The following TMEM132E variants were observed in gnomAD, a reference collection of about 807,000 sequenced individuals.
The protein encoded by TMEM132E is transmembrane protein 132E.
TMEM132E carries 49 observed loss-of-function variants against 78.5 expected under a neutral mutation model. The ratio of observed to expected loss-of-function variants is 0.62; its 90% CI spans 0.50 to 0.79. The LOEUF (loss-of-function observed/expected upper bound fraction) is 0.79. Ranked by LOEUF, TMEM132E falls within the 30% of genes least tolerant of loss-of-function variation. The probability of loss-of-function intolerance (pLI) is 0.00; values close to 1 mark genes in which losing one functional copy is unlikely to be tolerated. For synonymous variants in TMEM132E, 715 were observed against 670.6 expected, an observed-to-expected ratio of 1.07 and a Z score of -1.02; for missense variants, 1,403 against 1,470.9, an observed-to-expected ratio of 0.95 and a Z score of 0.75.
At chr17:34,589,089 A>G (rs1345901349) in intron 1 of TMEM132E, among the ~76,000 whole-genome samples, 1 of 152,130 alleles carries the variant, frequency 6.6e-6, no homozygotes, top group Admixed American at 6.5e-5. Flanking sequence ...GGGAAATCTG[A>G]GGTGGGTGTG....
intron 1 of TMEM132E, among the ~76,000 whole-genome samples, chr17:34,603,685 C>A (rs1373026054): frequency 6.6e-6 from 1 of 152,136 alleles, no homozygotes; most frequent in Admixed American, 6.5e-5. Flanking sequence ...AGCTCTTCCC[C>A]CTGGGTGTTC....
At chr17:34,617,511 A>G (rs1821592168) in intron 1 of TMEM132E, among the ~76,000 whole-genome samples, 1 of 152,240 alleles carries the variant, frequency 6.6e-6, no homozygotes, top group Non-Finnish European at 1.5e-5. Context: ...GAATGAATGA[A>G]TGAATGAATG....
intron 5 of TMEM132E, among the ~76,000 whole-genome samples, chr17:34,632,455 G>C (rs1188337693): frequency 6.6e-6 from 1 of 152,230 alleles, no homozygotes; most frequent in African/African-American, 2.4e-5. Context: ...AAAAGCATTT[G>C]CATGTTGGCT....
Position 34,626,218 on chromosome 17 carries a change from G to T in TMEM132E, c.159G>T (p.Arg53=). 6.3e-7 allele frequency: 1 copy of T among 1,581,992 alleles called. No individual in the cohort carries two copies. Among genetic ancestry groups the T allele is most frequent in the Non-Finnish European group, 8.6e-7 (1 of 1,164,654 alleles). The change falls in exon 2 of 9, where the codon CGG becomes CGT. Residue 53 remains arginine, a synonymous_variant. Transcript: ENST00000631683. Reference sequence around the variant, plus strand: ...TCAGCTACCGCCTGTCGCACACGCGGCTGGCCTTCTTCCTGCGGGAGGCGC... The same window carrying T: ...TCAGCTACCGCCTGTCGCACACGCGTCTGGCCTTCTTCCTGCGGGAGGCGC... The part of the protein sequence containing the change: ...LPVSYRLSHT[R]LAFFLREARP...
intron 1 of TMEM132E, among the ~76,000 whole-genome samples, chr17:34,621,816 CTGTGTGTGTG>C (rs34320048): frequency 4.7e-5 from 7 of 149,384 alleles, no homozygotes; most frequent in Non-Finnish European, 9.0e-5. Flanking sequence ...AGGTGCCAGC[CTGTGTGTGTG>C]TGTGTGTGTG....
intron 1 of TMEM132E, 140 bp downstream of exon 1, chr17:34,581,283 C>T (rs1414218066): frequency 1.2e-6 from 1 of 803,696 alleles, no homozygotes; most frequent in African/African-American, 1.8e-5. Flanking sequence ...GGCTGCAGCT[C>T]GAGTTACCGC....
chr17:34,634,724 C>A (rs1907455000), intron 6 of TMEM132E, 75 bp from the exon 7 acceptor site: 1 of 1,482,106 alleles, frequency 6.7e-7, no homozygotes, highest in Non-Finnish European at 9.0e-7. Context: ...CCCAACAGGG[C>A]AAGGGTGCGG....
intron 1 of TMEM132E, among the ~76,000 whole-genome samples, chr17:34,595,421 C>G (rs1906022424): frequency 6.6e-6 from 1 of 152,184 alleles, no homozygotes; most frequent in Admixed American, 6.5e-5. Context: ...TTATTGGTAC[C>G]AGCCAATGGG....
rs1183636597 is a variant in TMEM132E, at chr17:34,626,472, C to T, written c.413C>T (p.Ser138Leu). The change falls in exon 2 of 9, where the codon TCG (serine) becomes TTG (leucine). Residue 138 changes from serine to leucine, a missense_variant. Ser to Leu is a moderately radical substitution (Grantham distance 145). This residue lies in a region of TMEM132E where 511 missense variants were observed against 499.0 expected (regional missense o/e 1.02). Transcript: ENST00000631683. ...AFIVRSHVPA[S>L]QPVVQVLFYV... ...ATCGTCCGCTCGCACGTGCCCGCCT[C>T]GCAGCCCGTGGTCCAGGTGCTGTTC... is the stretch of plus-strand genomic sequence containing the variant. 1.9e-6 allele frequency: 3 copies of T among 1,612,858 alleles called. No homozygotes were observed. The highest frequency in any genetic ancestry group is 1.1e-5 in the South Asian group (1 of 91,028).
intron 2 of TMEM132E, 86 bp downstream of exon 2, chr17:34,627,143 G>T (rs1442826717): frequency 7.3e-7 from 1 of 1,367,034 alleles, no homozygotes; most frequent in African/African-American, 1.4e-5. Flanking sequence ...GGGGGGTGGG[G>T]GGACCTCCCA....
Position 34,629,207 on chromosome 17 carries a change from G to A in TMEM132E, c.1338+3G>A, listed in dbSNP as rs1387879570. 1.9e-6 allele frequency: 3 copies of A among 1,613,548 alleles called. No individual in the cohort carries two copies. Among genetic ancestry groups the A allele is most frequent in the South Asian group, 1.1e-5 (1 of 91,000 alleles). On this transcript the variant is annotated splice_donor_region_variant and intron_variant, in intron 4 of 8. Transcript: ENST00000631683. ...AAGCCATCCTGCCCCTGGCCATGGTGAGCAGGCAGGTGACCAGCCCAGAAG... is the reference window on the plus strand; with the variant it reads ...AAGCCATCCTGCCCCTGGCCATGGTAAGCAGGCAGGTGACCAGCCCAGAAG...
chr17:34,636,247 A>G, intron 8 of TMEM132E, 49 bp downstream of exon 8: 2 of 1,400,008 alleles, frequency 1.4e-6, no homozygotes, highest in South Asian at 3.5e-5. Flanking sequence ...GTATGGAAGG[A>G]GAACTTGGGG....
chr17:34,613,178 C>CT (rs1906652093), intron 1 of TMEM132E, among the ~76,000 whole-genome samples: 1 of 98,456 alleles, frequency 1.0e-5, no homozygotes, highest in African/African-American at 3.1e-5. Context: ...TCTCTCTACA[C>CT]ACACACACAC....
intron 1 of TMEM132E, among the ~76,000 whole-genome samples, chr17:34,613,197 C>CACA (rs1555563333): frequency 1.5e-5 from 2 of 131,144 alleles, no homozygotes; most frequent in Admixed American, 7.7e-5. Flanking sequence ...ACACACACAC[C>CACA]CACACACACA....
intron 2 of TMEM132E, among the ~76,000 whole-genome samples, chr17:34,627,532 G>A (rs920898540): frequency 1.2e-4 from 16 of 138,910 alleles, no homozygotes; most frequent in African/African-American, 3.9e-4. Context: ...CAGTCCTAGA[G>A]TTGGGAGAAA....
At chr17:34,635,770 C>G (rs1907498120) in intron 7 of TMEM132E, 1 of 391,220 alleles carries the variant, frequency 2.6e-6, no homozygotes, top group Admixed American at 4.5e-5. Context: ...TAGAATTGGC[C>G]CACCTCTCTC....
Position 34,595,864 on chromosome 17 carries a change from C to T in TMEM132E, c.67+14721C>T, listed in dbSNP as rs139626532. Among the ~76,000 whole-genome samples the T allele has an allele frequency of 4.1e-3, 628 of 152,290 alleles. 4 individuals carry two copies. Among genetic ancestry groups the T allele is most frequent in the East Asian group, 8.1e-3 (42 of 5,188 alleles). ...TCTTCAGGGACTGTATTTGGGGAGG[C>T]GCCTCAGTAGGCCTGGTATTTACAT... On this transcript the variant is annotated intron_variant, in intron 1 of 8. Coordinates refer to ENST00000631683, the MANE Select transcript of TMEM132E (RefSeq NM_001304438.2).
intron 1 of TMEM132E, among the ~76,000 whole-genome samples, chr17:34,582,544 G>C (rs1229020081): frequency 6.6e-6 from 1 of 151,944 alleles, no homozygotes; most frequent in East Asian, 1.9e-4. Context: ...CAGTTCACCA[G>C]AGACAGCTAA....
chr17:34,616,367 G>A (rs1394061735), intron 1 of TMEM132E, among the ~76,000 whole-genome samples: 1 of 152,186 alleles, frequency 6.6e-6, no homozygotes, highest in African/African-American at 2.4e-5. Context: ...ACCTGCCAGG[G>A]AGTAGGCAAG....
Sources: gnomAD v4.1 joint callset for allele counts (sites outside exome capture counted in the v4.1 genomes callset) on GRCh38, gnomAD v4.1.1 for gene constraint, gnomAD v4.1.1 regional missense constraint, MANE v1.5 for transcripts, NCBI Gene and HGNC (gene_info 2026-07-23, HGNC 2026-07-21) for gene names.